The following DUSP4 variants were observed in gnomAD, a reference collection of about 807,000 sequenced individuals.
The protein encoded by DUSP4 is dual specificity protein phosphatase 4.
A neutral mutation model predicts 27.2 loss-of-function variants in DUSP4; 12 were observed. The ratio of observed to expected loss-of-function variants is 0.44; its 90% CI spans 0.28 to 0.71. The LOEUF is 0.71. DUSP4 is among the 30% of genes least tolerant of loss of function. The probability of loss-of-function intolerance (pLI) is 0.14; values close to 1 mark genes in which losing one functional copy is unlikely to be tolerated. For missense variants in DUSP4, 448 were observed against 551.3 expected (o/e 0.81, Z 1.88); for synonymous variants, 257 against 245.2 (o/e 1.05, Z -0.45).
chr8:29,336,151 A>G lies in DUSP4; in HGVS notation c.*875T>C, dbSNP rs1587041993. On this transcript the variant is annotated 3_prime_UTR_variant, in exon 4 of 4. Coordinates refer to ENST00000240100, the MANE Select transcript of DUSP4 (RefSeq NM_001394.7). ...CTTCCCTTTCTTCCTCCTCCCACCC[A>G]ACCCGCCTGCTTCTCAAGATGAGCC... The G allele has an allele frequency of 6.7e-6, 1 of 150,224 alleles. No homozygotes were observed. The highest frequency in any genetic ancestry group is 2.0e-4 in the East Asian group (1 of 5,122). 9.3% of individuals were successfully genotyped at this position (150,224 alleles called of 1,614,324 possible).
At position 29,337,407 on chromosome 8, in the gene DUSP4, G is replaced by C; in HGVS notation, c.804C>G (p.Ala268=). ...WFMEAIEYID[A]VKDCRGRVLV... ...GCACGCGCCCACGGCAGTCCTTCACGGCATCTGGGGACAGGGTTCAATAGG... is the reference window on the plus strand; with the variant it reads ...GCACGCGCCCACGGCAGTCCTTCACCGCATCTGGGGACAGGGTTCAATAGG... The change falls in exon 4 of 4, where the codon GCC becomes GCG. Residue 268 remains alanine (A), a synonymous_variant. Transcript: ENST00000240100. This position sits in a 1 kb window ranked among gnomAD's most constrained non-coding sequence, Gnocchi z 6.4. The C allele has an allele frequency of 1.2e-6, 2 of 1,601,910 alleles. No homozygotes were observed. The highest frequency in any genetic ancestry group is 1.1e-5 in the South Asian group (1 of 90,238).
In DUSP4 at chr8:29,335,954, A is replaced by G. The variant is rs1817565775; in HGVS notation, c.*1072T>C. 1 of 152,256 alleles carries G rather than the reference A, an allele frequency of 6.6e-6. No homozygotes were observed. The highest frequency in any genetic ancestry group is 2.1e-4 in the South Asian group (1 of 4,836). The allele number at this position is 152,256 out of a possible 1,614,324, so 9.4% of individuals were successfully genotyped here. On this transcript the variant is annotated 3_prime_UTR_variant, in exon 4 of 4. Transcript: ENST00000240100. ...CCTACATGCCCATGAACCAGCTTCA[A>G]AAGCAATTCACATTGGTCATGATGA... is the stretch of plus-strand genomic sequence containing the variant.
At chr8:29,345,604 T>G (rs1817721479) in intron 1 of DUSP4, 17 of 1,492,334 alleles carry the variant, frequency 1.1e-5, no homozygotes, top group Non-Finnish European at 1.5e-5. Context: ...TGTTCTGATT[T>G]TTTTTCAAGG....
chr8:29,342,731 G>A (rs1817672299), intron 1 of DUSP4, among the ~76,000 whole-genome samples: 1 of 152,264 alleles, frequency 6.6e-6, no homozygotes, highest in South Asian at 2.1e-4. Context: ...GTGGGGAACA[G>A]GCTAGATGTG....
At chr8:29,345,487 G>A (rs766089543) in intron 1 of DUSP4, 4 of 1,600,618 alleles carry the variant, frequency 2.5e-6, no homozygotes, top group South Asian at 1.1e-5. Flanking sequence ...GATCTGCTAT[G>A]TTCAGCAAAC....
At chr8:29,339,708 T>TA (rs544396677) in intron 2 of DUSP4, among the ~76,000 whole-genome samples, 91 of 151,938 alleles carry the variant, frequency 6.0e-4, no homozygotes, top group African/African-American at 1.9e-3. Flanking sequence ...TTCAAAGACT[T>TA]AAAAAAATCT....
In DUSP4 at chr8:29,337,545, G is replaced by GC. The variant is rs1817597603; in HGVS notation, c.800-135_800-134insG. On this transcript the variant is annotated intron_variant, in intron 3 of 3. Coordinates refer to ENST00000240100, the MANE Select transcript of DUSP4 (RefSeq NM_001394.7). This position sits in a 1 kb window ranked among gnomAD's most constrained non-coding sequence, Gnocchi z 6.4. ...TGCTAGACCAAGGACTGGAGAGGAA[G>GC]AAAACCCATGTAGGCAGGTCTCTAG... The GC allele has an allele frequency of 2.4e-6, 3 of 1,258,580 alleles. No homozygotes were observed. Among genetic ancestry groups the GC allele is most frequent in the Non-Finnish European group, 3.2e-6 (3 of 931,128 alleles). 78.0% of individuals were successfully genotyped at this position (1,258,580 alleles called of 1,614,324 possible).
chr8:29,338,504 G>C lies in DUSP4; in HGVS notation c.580-3C>G. Reference sequence around the variant, plus strand: ...GGAAGGATCTCCACAGGACCCCCCTGCACAGAAAGGGAAACAAAGGCCCCT... The same window carrying C: ...GGAAGGATCTCCACAGGACCCCCCTCCACAGAAAGGGAAACAAAGGCCCCT... On this transcript the variant is annotated splice_region_variant and splice_polypyrimidine_tract_variant and intron_variant, in intron 2 of 3. Coordinates refer to ENST00000240100, the MANE Select transcript of DUSP4 (RefSeq NM_001394.7). 6.2e-7 allele frequency: 1 copy of C among 1,612,008 alleles called. No homozygotes were observed. Among genetic ancestry groups the C allele is most frequent in the Non-Finnish European group, 8.5e-7 (1 of 1,179,550 alleles).
At chr8:29,347,382 C>A (rs1005174312) in intron 1 of DUSP4, among the ~76,000 whole-genome samples, 9 of 152,338 alleles carry the variant, frequency 5.9e-5, no homozygotes, top group Admixed American at 3.3e-4. Context: ...AGAAGAGGAA[C>A]TGGGTTAAAG....
chr8:29,342,644 C>A (rs1394967428), intron 1 of DUSP4, among the ~76,000 whole-genome samples: 1 of 152,208 alleles, frequency 6.6e-6, no homozygotes, highest in South Asian at 2.1e-4. Flanking sequence ...CTCAGCAGAA[C>A]CCTTGTCAGG....
intron 1 of DUSP4, among the ~76,000 whole-genome samples, chr8:29,346,759 G>GT (rs1817740110): frequency 6.6e-6 from 1 of 152,222 alleles, no homozygotes; most frequent in African/African-American, 2.4e-5. Context: ...ATTAAGCGAA[G>GT]TTTACCTCCT....
At chr8:29,343,227 C>G (rs1325784229) in intron 1 of DUSP4, among the ~76,000 whole-genome samples, 2 of 147,256 alleles carry the variant, frequency 1.4e-5, no homozygotes, top group Non-Finnish European at 1.5e-5. Context: ...GGGGCAGAAA[C>G]ACTGGAAGGT....
At chr8:29,348,924 C>T (rs768262490) in intron 1 of DUSP4, 12 of 350,174 alleles carry the variant, frequency 3.4e-5, no homozygotes, top group Non-Finnish European at 4.1e-5. Context: ...TGCCCGCTCC[C>T]TAGCCCGAGG....
At chr8:29,348,433 G>C in intron 1 of DUSP4, 1 of 985,128 alleles carries the variant, frequency 1.0e-6, no homozygotes. Flanking sequence ...GAAGGGAGGG[G>C]GACTGGGCTC....
chr8:29,348,884 CG>C (rs1300610169), intron 1 of DUSP4: 1 of 697,716 alleles, frequency 1.4e-6, no homozygotes, highest in East Asian at 1.4e-4. Flanking sequence ...AGGCGCAGCG[CG>C]GCGGGGGGCG....
At chr8:29,339,567 C>G (rs1018402899) in intron 2 of DUSP4, among the ~76,000 whole-genome samples, 1 of 152,112 alleles carries the variant, frequency 6.6e-6, no homozygotes, top group Non-Finnish European at 1.5e-5. Flanking sequence ...GGAGTCATGT[C>G]TTTAGACTTT....
Position 29,337,965 on chromosome 8 carries a change from A to C in DUSP4, c.799+317T>G, listed in dbSNP as rs1335701854. Among the ~76,000 whole-genome samples the C allele has an allele frequency of 6.6e-6, 1 of 151,988 alleles. No individual in the cohort carries two copies. The highest frequency in any genetic ancestry group is 2.4e-5 in the African/African-American group (1 of 41,322). On this transcript the variant is annotated intron_variant, in intron 3 of 3. Transcript: ENST00000240100. The surrounding 1 kb of genome is among the most constrained non-coding windows in gnomAD (Gnocchi z 6.4). ...GGCTCTGTCTCAAAATAAATAAATA[A>C]ATAGAAATAAAATAAAAACTATGAC...
At chr8:29,346,697 C>T (rs568951219) in intron 1 of DUSP4, among the ~76,000 whole-genome samples, 1 of 152,282 alleles carries the variant, frequency 6.6e-6, no homozygotes, top group Middle Eastern at 3.4e-3. Flanking sequence ...TTGCTTTTAG[C>T]AAAAGTCGGG....
rs10100467 is a variant in DUSP4, at chr8:29,333,707, T to G, written c.*3319A>C. Reference sequence around the variant, plus strand: ...ACACCCGGGGAGCTACGAAACACACTGATGCCTGAGTCCCCCACCTAGAAT... The same window carrying G: ...ACACCCGGGGAGCTACGAAACACACGGATGCCTGAGTCCCCCACCTAGAAT... On this transcript the variant is annotated 3_prime_UTR_variant, in exon 4 of 4. Transcript: ENST00000240100. The G allele has an allele frequency of 0.074, 11,197 of 152,314 alleles. 557 individuals are homozygous for G. The highest frequency in any genetic ancestry group is 0.13 in the African/African-American group (5,270 of 41,508). 9.4% of individuals were successfully genotyped at this position (152,314 alleles called of 1,614,324 possible).
Sources: allele counts gnomAD v4.1 joint callset (sites outside exome capture counted in the v4.1 genomes callset), GRCh38; gene constraint gnomAD v4.1.1; non-coding constraint Gnocchi (gnomAD v3.1); transcripts MANE v1.5; gene names NCBI Gene and HGNC (gene_info 2026-07-23, HGNC 2026-07-21).